Variants in ANO6 observed in about 807,000 individuals in gnomAD.
ANO6 encodes the protein anoctamin-6.
In ANO6, 106 loss-of-function variants were observed where a neutral mutation model predicts 117.5. That is an observed-to-expected ratio of 0.90 (90% confidence interval 0.77 to 1.06). The LOEUF (loss-of-function observed/expected upper bound fraction) is 1.06. ANO6 is among the 50% of genes least tolerant of loss of function. The probability of loss-of-function intolerance (pLI) is 0.00; values close to 1 mark genes in which losing one functional copy is unlikely to be tolerated. For synonymous variants in ANO6, 367 were observed against 385.1 expected (o/e 0.95, Z 0.55); for missense variants, 955 against 1,121.1 (o/e 0.85, Z 2.12).
intron 15 of ANO6, among the ~76,000 whole-genome samples, chr12:45,405,685 A>T (rs573675938): frequency 6.6e-6 from 1 of 152,318 alleles, no homozygotes; most frequent in Non-Finnish European, 1.5e-5. Context: ...CAAGGTGGTC[A>T]GATCACCTGA....
chr12:45,435,923 A>G (rs1453278167), downstream of ANO6, among the ~76,000 whole-genome samples: 1 of 152,230 alleles, frequency 6.6e-6, no homozygotes, highest in Non-Finnish European at 1.5e-5. Flanking sequence ...GCCAGAGCTT[A>G]TATAAAAATA....
intron 2 of ANO6, among the ~76,000 whole-genome samples, chr12:45,307,723 G>C (rs533917665): frequency 6.6e-6 from 1 of 152,216 alleles, no homozygotes; most frequent in East Asian, 1.9e-4. Flanking sequence ...TGAGCCCGGG[G>C]GCACCAGTGT....
intron 2 of ANO6, among the ~76,000 whole-genome samples, chr12:45,318,153 T>C (rs1209718024): frequency 6.6e-6 from 1 of 152,224 alleles, no homozygotes; most frequent in Non-Finnish European, 1.5e-5. Context: ...CAATTTTGGC[T>C]TTTGCTGCCA....
rs969988083 is a variant in ANO6, at chr12:45,409,236, G to C, written c.1881-121G>C. ...GCAGAAATAAAAACAAATTTAGCATGCAAACAAAAAAATAGTTTATTGGGA... is the reference window on the plus strand; with the variant it reads ...GCAGAAATAAAAACAAATTTAGCATCCAAACAAAAAAATAGTTTATTGGGA... On this transcript the variant is annotated intron_variant, in intron 15 of 19. Transcript: ENST00000320560. 21 of 1,325,792 alleles carry C rather than the reference G, an allele frequency of 1.6e-5. No individual in the cohort carries two copies. In the African/African-American group the frequency reaches 3.1e-4, roughly 19 times the overall value. The allele number at this position is 1,325,792 out of a possible 1,614,324, so 82.1% of individuals were successfully genotyped here. A position where few individuals can be genotyped will look rare whatever the true frequency, so the allele number is the denominator to read the frequency against.
At position 45,357,343 on chromosome 12, in the gene ANO6, C is replaced by T. The variant is rs917945450; in HGVS notation, c.917C>T (p.Thr306Ile). ...TACTTTGCTTGGCTGGGCTATTACACTCAGATGCTTCTCCTGGCCGCAGTT... is the reference window on the plus strand; with the variant it reads ...TACTTTGCTTGGCTGGGCTATTACATTCAGATGCTTCTCCTGGCCGCAGTT... ...GIYFAWLGYY[T>I]QMLLLAAVVG... The change falls in exon 8 of 20, where the codon ACT (threonine) becomes ATT (isoleucine). Residue 306 changes from threonine (T) to isoleucine (I), a missense_variant. Coordinates refer to ENST00000320560, the MANE Select transcript of ANO6 (RefSeq NM_001025356.3). The T allele has an allele frequency of 6.2e-7, 1 of 1,614,052 alleles. No homozygotes were observed. The highest frequency in any genetic ancestry group is 8.5e-7 in the Non-Finnish European group (1 of 1,179,988).
At chr12:45,398,447 G>C (rs1896023) in intron 12 of ANO6, among the ~76,000 whole-genome samples, 148,129 of 152,340 alleles carry the variant, frequency 0.97, 72,154 homozygotes, top group Middle Eastern at 1. Context: ...CTCCAGCTTC[G>C]TAGAAGGCAG....
intron 1 of ANO6, among the ~76,000 whole-genome samples, chr12:45,239,121 A>T (rs1947696240): frequency 6.6e-6 from 1 of 152,242 alleles, no homozygotes; most frequent in Non-Finnish European, 1.5e-5. Context: ...GAATGGTACC[A>T]GCTCCTCTTT....
chr12:45,431,949 A>G lies in ANO6; in HGVS notation c.*2638A>G, dbSNP rs1355150388. On this transcript the variant is annotated 3_prime_UTR_variant, in exon 20 of 20. Coordinates refer to ENST00000320560, the MANE Select transcript of ANO6 (RefSeq NM_001025356.3). The stretch of plus-strand genomic sequence containing the variant: ...TAAACATCCCTCAGATAATTTAGCT[A>G]TATATCATTAGAAAGGGAAAGCTAT... 1 of 985,126 alleles carries G rather than the reference A, an allele frequency of 1.0e-6. No individual in the cohort carries two copies. Among genetic ancestry groups the G allele is most frequent in the African/African-American group, 1.7e-5 (1 of 57,242 alleles). The allele number at this position is 985,126 out of a possible 1,614,324, so 61.0% of individuals were successfully genotyped here. A position where few individuals can be genotyped will look rare whatever the true frequency, so the allele number is the denominator to read the frequency against.
At chr12:45,436,277 TCCTACTCCTCTG>T (rs1447491878), downstream of ANO6, among the ~76,000 whole-genome samples, 1 of 152,188 alleles carries the variant, frequency 6.6e-6, no homozygotes, top group Non-Finnish European at 1.5e-5. Flanking sequence ...GCTGAAGCCT[TCCTACTCCTCTG>T]CCTGCCTTTG....
intron 3 of ANO6, among the ~76,000 whole-genome samples, chr12:45,341,794 A>G (rs1230481213): frequency 6.6e-6 from 1 of 152,156 alleles, no homozygotes; most frequent in African/African-American, 2.4e-5. Flanking sequence ...GTTTTGTCAG[A>G]TATTTGGTAT....
intron 3 of ANO6, among the ~76,000 whole-genome samples, chr12:45,332,771 C>T (rs186186644): frequency 2.6e-5 from 4 of 152,102 alleles, no homozygotes; most frequent in East Asian, 1.9e-4. Context: ...GGTAGACTCC[C>T]GGGTCATCCC....
intron 1 of ANO6, among the ~76,000 whole-genome samples, chr12:45,236,326 C>T (rs1947644835): frequency 6.6e-6 from 1 of 152,134 alleles, no homozygotes; most frequent in South Asian, 2.1e-4. Flanking sequence ...TGGTTTGCTG[C>T]ACCTATCAAC....
At chr12:45,231,745 T>G (rs1045955184) in intron 1 of ANO6, among the ~76,000 whole-genome samples, 1 of 152,182 alleles carries the variant, frequency 6.6e-6, no homozygotes, top group Admixed American at 6.5e-5. Context: ...CATGCTTCTA[T>G]AACGGGCATA....
chr12:45,404,817 C>T (rs1186504698), intron 15 of ANO6, among the ~76,000 whole-genome samples: 2 of 152,168 alleles, frequency 1.3e-5, no homozygotes, highest in South Asian at 2.1e-4. Context: ...TACAGGCTCT[C>T]GCCTCCTGCC....
chr12:45,277,820 G>A (rs960406766), intron 1 of ANO6, among the ~76,000 whole-genome samples: 9 of 151,998 alleles, frequency 5.9e-5, no homozygotes, highest in South Asian at 2.1e-4. Flanking sequence ...AAACTTTTCC[G>A]CTCTGGAATT....
intron 1 of ANO6, 68 bp downstream of exon 1, chr12:45,216,459 C>T (rs1424829642): frequency 6.5e-7 from 1 of 1,545,330 alleles, no homozygotes; most frequent in Non-Finnish European, 8.8e-7. Flanking sequence ...TCGGGGACTG[C>T]GCGGGGGCGC....
At chr12:45,290,201 G>C (rs960971695) in intron 1 of ANO6, among the ~76,000 whole-genome samples, 5 of 151,496 alleles carry the variant, frequency 3.3e-5, no homozygotes, top group Admixed American at 2.6e-4. Flanking sequence ...GAAAAATTCT[G>C]AATTCTGAAA....
intron 1 of ANO6, among the ~76,000 whole-genome samples, chr12:45,217,395 GTAACT>G (rs1947332774): frequency 6.6e-6 from 1 of 152,142 alleles, no homozygotes; most frequent in African/African-American, 2.4e-5. Flanking sequence ...AACTTTAAAA[GTAACT>G]TAATTTTAGG....
intron 18 of ANO6, 104 bp downstream of exon 18, chr12:45,421,377 T>C: frequency 1.7e-6 from 2 of 1,199,912 alleles, no homozygotes; most frequent in Non-Finnish European, 2.4e-6. Context: ...TATTTCTTTA[T>C]AACTTCAGGA....
Sources: allele counts gnomAD v4.1 joint callset (sites outside exome capture counted in the v4.1 genomes callset), GRCh38; gene constraint gnomAD v4.1.1; transcripts MANE v1.5; gene names NCBI Gene and HGNC (gene_info 2026-07-23, HGNC 2026-07-21).